The following ADRA1D variants were observed in gnomAD, a reference collection of about 807,000 sequenced individuals.
ADRA1D encodes the protein alpha-1D adrenergic receptor.
ADRA1D carries 22 observed loss-of-function variants against 18.6 expected under a neutral mutation model. That is an observed-to-expected ratio of 1.19 (90% CI 0.85 to 1.69). ADRA1D has a LOEUF of 1.69. ADRA1D is among the 40% of genes most tolerant of loss of function. ADRA1D has a pLI of 0.00. For synonymous variants in ADRA1D, 376 were observed against 388.2 expected (o/e 0.97, Z 0.37); for missense variants, 840 against 840.7 (o/e 1.00, Z 0.01).
rs984652114 is a variant in ADRA1D, at chr20:4,222,709, A to G, written c.1112-579T>C. ...GGCTAGTAATTATGCTGCTATGAAC[A>G]GATATACTCTTACACCCAAAACTCA... On this transcript the variant is annotated intron_variant, in intron 1 of 1. Coordinates refer to ENST00000379453, the MANE Select transcript of ADRA1D (RefSeq NM_000678.4). The surrounding 1 kb of genome is among the most constrained non-coding windows in gnomAD (Gnocchi z 4.3). Among the ~76,000 whole-genome samples, 1 of 152,222 alleles carries G rather than the reference A, an allele frequency of 6.6e-6. No homozygotes were observed. Among genetic ancestry groups the G allele is most frequent in the Admixed American group, 6.5e-5 (1 of 15,286 alleles).
At chr20:4,228,711 A>C (rs1245270114) in intron 1 of ADRA1D, among the ~76,000 whole-genome samples, 1 of 152,090 alleles carries the variant, frequency 6.6e-6, no homozygotes, top group Non-Finnish European at 1.5e-5. Flanking sequence ...GAAACTAGGC[A>C]CTCGCCCAGC....
intron 1 of ADRA1D, among the ~76,000 whole-genome samples, chr20:4,245,670 C>T (rs1981319439): frequency 6.6e-6 from 1 of 152,126 alleles, no homozygotes; most frequent in African/African-American, 2.4e-5. Context: ...TGGCATTCTA[C>T]ACAGGTTGGG....
intron 1 of ADRA1D, among the ~76,000 whole-genome samples, chr20:4,223,996 G>T (rs1481297418): frequency 6.6e-6 from 1 of 152,206 alleles, no homozygotes; most frequent in African/African-American, 2.4e-5. Context: ...GCTTAGGGGG[G>T]TCAGCCAGGA....
rs1437225885 is a variant in ADRA1D, at chr20:4,247,965, G to A, written c.993C>T (p.Ser331=). The part of the protein sequence containing the change: ...MRSAKGHTFR[S]SLSVRLLKFS... ...ACTTGAGCAGGCGCACGGAGAGCGA[G>A]CTGCGGAAGGTGTGGCCCTTGGCGC... Residue 331 remains serine, a synonymous_variant, in exon 1 of 2, where the codon AGC becomes AGT. Coordinates refer to ENST00000379453, the MANE Select transcript of ADRA1D (RefSeq NM_000678.4). 10 of 1,587,982 alleles carry A rather than the reference G, an allele frequency of 6.3e-6. No homozygotes were observed. The highest frequency in any genetic ancestry group is 7.7e-6 in the Non-Finnish European group (9 of 1,167,924).
intron 1 of ADRA1D, among the ~76,000 whole-genome samples, chr20:4,247,437 T>G (rs1294982419): frequency 6.6e-6 from 1 of 152,152 alleles, no homozygotes; most frequent in Non-Finnish European, 1.5e-5. Flanking sequence ...GGCCAGGGCT[T>G]GCTACCCATG....
rs1257279212 is a variant in ADRA1D, at chr20:4,221,310, G to C, written c.*213C>G. On this transcript the variant is annotated 3_prime_UTR_variant, in exon 2 of 2. Coordinates refer to ENST00000379453, the MANE Select transcript of ADRA1D (RefSeq NM_000678.4). ...TCTCCCTTCTAAGAAAAGAGTTCTG[G>C]GCACCTGAGTCCAGCAGGGGGCCCC... 2 of 494,944 alleles carry C rather than the reference G, an allele frequency of 4.0e-6. No homozygotes were observed. Among genetic ancestry groups the C allele is most frequent in the East Asian group, 6.7e-5 (2 of 30,056 alleles). The allele number at this position is 494,944 out of a possible 1,614,324, so 30.7% of individuals were successfully genotyped here.
intron 1 of ADRA1D, among the ~76,000 whole-genome samples, chr20:4,227,737 TCCTTCCTTCCTTC>T (rs1980849917): frequency 7.5e-6 from 1 of 132,526 alleles, no homozygotes; most frequent in African/African-American, 2.8e-5. Context: ...CTTCCTTCCT[TCCTTCCTTCCTTC>T]TTCTCTCTCT....
intron 1 of ADRA1D, among the ~76,000 whole-genome samples, chr20:4,246,307 G>A (rs1981335599): frequency 6.6e-6 from 1 of 152,220 alleles, no homozygotes; most frequent in Admixed American, 6.5e-5. Context: ...AGTGAAGGAA[G>A]CGAACCTTGT....
intron 1 of ADRA1D, among the ~76,000 whole-genome samples, chr20:4,224,722 G>T (rs986850204): frequency 6.7e-6 from 1 of 150,006 alleles, no homozygotes; most frequent in Non-Finnish European, 1.5e-5. Flanking sequence ...GGTAGGGGGG[G>T]GTCCTTAACA....
chr20:4,232,114 A>C (rs1423996701), intron 1 of ADRA1D, among the ~76,000 whole-genome samples: 1 of 152,158 alleles, frequency 6.6e-6, no homozygotes, highest in Non-Finnish European at 1.5e-5. Context: ...GGGCTTCGCC[A>C]TGTTGGCCAG....
chr20:4,227,704 C>CTCCCTCCCTCCTTCCTTCCCTTCCT, intron 1 of ADRA1D, among the ~76,000 whole-genome samples: 1 of 92,616 alleles, frequency 1.1e-5, no homozygotes, highest in African/African-American at 4.5e-5. Flanking sequence ...CCCTCCCTCC[C>CTCCCTCCCTCCTTCCTTCCCTTCCT]TCCTTCCTTC....
intron 1 of ADRA1D, among the ~76,000 whole-genome samples, chr20:4,246,299 T>A (rs1346268361): frequency 6.6e-6 from 1 of 151,934 alleles, no homozygotes; most frequent in South Asian, 2.1e-4. Context: ...AATGATCTAG[T>A]GAAGGAAGCG....
In ADRA1D at chr20:4,239,473, A is replaced by G. The variant is rs181390889; in HGVS notation, c.1111+8374T>C. ...TCAGTGACCAACTCAGTATCAATGAACAGCTCAGTCATCTTCCATTGAAAC... is the reference window on the plus strand; with the variant it reads ...TCAGTGACCAACTCAGTATCAATGAGCAGCTCAGTCATCTTCCATTGAAAC... On this transcript the variant is annotated intron_variant, in intron 1 of 1. Coordinates refer to ENST00000379453, the MANE Select transcript of ADRA1D (RefSeq NM_000678.4). The surrounding 1 kb of genome is among the most constrained non-coding windows in gnomAD (Gnocchi z 4.9). 1.7e-3 allele frequency among the ~76,000 whole-genome samples: 260 copies of G among 152,354 alleles called. 1 individual carries two copies. Among genetic ancestry groups the G allele is most frequent in the Non-Finnish European group, 1.5e-3 (102 of 68,032 alleles).
chr20:4,223,538 A>G (rs1040967713), intron 1 of ADRA1D, among the ~76,000 whole-genome samples: 1 of 152,200 alleles, frequency 6.6e-6, no homozygotes, highest in Non-Finnish European at 1.5e-5. Flanking sequence ...GAATGTGAAT[A>G]AATATCTTTG....
intron 1 of ADRA1D, among the ~76,000 whole-genome samples, chr20:4,245,556 A>G (rs1255551368): frequency 6.6e-6 from 1 of 152,180 alleles, no homozygotes; most frequent in Non-Finnish European, 1.5e-5. Context: ...TCTGTTCAGT[A>G]TAGGTGATTA....
At chr20:4,241,044 T>C (rs532762134) in intron 1 of ADRA1D, among the ~76,000 whole-genome samples, 1 of 152,332 alleles carries the variant, frequency 6.6e-6, no homozygotes, top group South Asian at 2.1e-4. Flanking sequence ...GTTAAAGATT[T>C]TTTTTTTAGG....
chr20:4,222,441 G>A lies in ADRA1D; in HGVS notation c.1112-311C>T, dbSNP rs1247140519. On this transcript the variant is annotated intron_variant, in intron 1 of 1. Transcript: ENST00000379453. The surrounding 1 kb of genome is among the most constrained non-coding windows in gnomAD (Gnocchi z 4.3). ...AAACCGGTGCAATATTGGCAGTTTC[G>A]TATTATGAGACAAAGTAGCAAACAT... is the stretch of plus-strand genomic sequence containing the variant. 3 of 247,414 alleles carry A rather than the reference G, an allele frequency of 1.2e-5. No homozygotes were observed. The highest frequency in any genetic ancestry group is 2.3e-5 in the Non-Finnish European group (3 of 130,440). The allele number at this position is 247,414 out of a possible 1,614,324, so 15.3% of individuals were successfully genotyped here. A position where few individuals can be genotyped will look rare whatever the true frequency, so the allele number is the denominator to read the frequency against.
At chr20:4,227,715 C>CCTTCCTTCCTTCCTTCCTTCT (rs1980847197) in intron 1 of ADRA1D, among the ~76,000 whole-genome samples, 4 of 88,676 alleles carry the variant, frequency 4.5e-5, no homozygotes, top group African/African-American at 1.4e-4. Flanking sequence ...TCCTTCCTTC[C>CCTTCCTTCCTTCCTTCCTTCT]TTCCTTCCTT....
rs1981393903 is a variant in ADRA1D at position 4,248,270 on chromosome 20, C to CT, written c.687dup (p.Gly230ArgfsTer13). On this transcript the variant is annotated frameshift_variant, in exon 1 of 2. Transcript: ENST00000379453. LOFTEE classifies it high-confidence loss of function. ...GGCTCCTTCCAGCCCAGCAGGGGCC[C>CT]TACGGACACCACCAGGGCTACGACC... is the stretch of plus-strand genomic sequence containing the variant. 2 of 1,608,542 alleles carry CT rather than the reference C, an allele frequency of 1.2e-6. No homozygotes were observed. The highest frequency in any genetic ancestry group is 1.3e-5 in the African/African-American group (1 of 74,906).
Sources: gnomAD v4.1 joint callset for allele counts (sites outside exome capture counted in the v4.1 genomes callset) on GRCh38, gnomAD v4.1.1 for gene constraint, Gnocchi (gnomAD v3.1) non-coding constraint, MANE v1.5 for transcripts, NCBI Gene and HGNC (gene_info 2026-07-23, HGNC 2026-07-21) for gene names.